The following GAS7 variants were observed in gnomAD, a reference collection of about 807,000 sequenced individuals.
The protein encoded by GAS7 is growth arrest-specific protein 7.
In GAS7, 28 loss-of-function variants were observed where a neutral mutation model predicts 71.1. That is an observed-to-expected ratio of 0.39 (90% CI 0.29 to 0.54). GAS7 has a LOEUF of 0.54. Among genes scored for constraint, GAS7 ranks in the 20% least tolerant of loss-of-function variants. The pLI, the probability that GAS7 is intolerant of heterozygous loss-of-function variation, is 0.62. For missense variants in GAS7, 436 were observed against 627.8 expected (o/e 0.69, Z 3.27); for synonymous variants, 258 against 245.8 (o/e 1.05, Z -0.46).
intron 2 of GAS7, among the ~76,000 whole-genome samples, chr17:10,010,954 A>C (rs763228125): frequency 7.9e-5 from 12 of 152,238 alleles, no homozygotes; most frequent in Non-Finnish European, 1.5e-4. Context: ...TCCAATAAAG[A>C]AAGCTTCATT....
intron 3 of GAS7, among the ~76,000 whole-genome samples, chr17:9,978,441 G>A (rs1430393557): frequency 1.3e-5 from 2 of 150,496 alleles, no homozygotes; most frequent in African/African-American, 4.9e-5. Flanking sequence ...CTTGAGACCA[G>A]GAGTTCAAAA....
At chr17:10,142,729 T>G (rs2074092449) in intron 1 of GAS7, among the ~76,000 whole-genome samples, 2 of 152,188 alleles carry the variant, frequency 1.3e-5, no homozygotes, top group African/African-American at 4.8e-5. Context: ...AGAAAAAGAT[T>G]CTGAGGTATC....
chr17:10,137,139 A>AGG (rs2074045325), intron 1 of GAS7, among the ~76,000 whole-genome samples: 3 of 148,942 alleles, frequency 2.0e-5, no homozygotes, highest in Non-Finnish European at 4.5e-5. Context: ...AGAGAGAGAG[A>AGG]CCGCAAATAC....
Position 10,013,493 on chromosome 17 carries a change from C to A in GAS7, c.304+6284G>T, listed in dbSNP as rs536535994. 2.6e-5 allele frequency among the ~76,000 whole-genome samples: 4 copies of A among 152,308 alleles called. No homozygotes were observed. The East Asian group carries it at 7.7e-4, about 29-fold the overall frequency. On this transcript the variant is annotated intron_variant, in intron 2 of 13. Transcript: ENST00000432992. ...CAAGCAATTTCCTGATACCAAAACC[C>A]TGGGAGTTCCTGGGGCTGAACTGAA...
intron 7 of GAS7, 65 bp from the exon 8 acceptor site, chr17:9,940,265 G>T: frequency 8.5e-7 from 1 of 1,176,328 alleles, no homozygotes; most frequent in Non-Finnish European, 1.3e-6. Flanking sequence ...CTGCCCTGCT[G>T]CCCTGCACAC....
intron 1 of GAS7, among the ~76,000 whole-genome samples, chr17:10,153,519 CAA>C (rs11476862): frequency 0.015 from 1,756 of 117,732 alleles, 17 homozygotes; most frequent in African/African-American, 0.051. Context: ...CTTTGACTCA[CAA>C]AAAAAAAAAA....
intron 2 of GAS7, among the ~76,000 whole-genome samples, chr17:10,011,855 G>A (rs2071785093): frequency 6.6e-6 from 1 of 151,924 alleles, no homozygotes; most frequent in Non-Finnish European, 1.5e-5. Context: ...ACATGCCTGT[G>A]GTCCCAGCTA....
chr17:9,975,984 T>A (rs2070186244), intron 3 of GAS7, among the ~76,000 whole-genome samples: 2 of 152,042 alleles, frequency 1.3e-5, no homozygotes, highest in East Asian at 3.8e-4. Context: ...TCCCACCACA[T>A]CCTGGAAGGC....
chr17:10,073,233 T>G (rs886830573), intron 1 of GAS7, among the ~76,000 whole-genome samples: 1 of 151,994 alleles, frequency 6.6e-6, no homozygotes, highest in Non-Finnish European at 1.5e-5. Flanking sequence ...AACAAGAAAA[T>G]GAGGGCAGAT....
At chr17:9,923,469 TGATA>T (rs2067893032) in intron 11 of GAS7, among the ~76,000 whole-genome samples, 1 of 152,172 alleles carries the variant, frequency 6.6e-6, no homozygotes, top group African/African-American at 2.4e-5. Context: ...TTCATCTCCC[TGATA>T]GATAAAGAAT....
chr17:9,919,548 C>A lies in GAS7; in HGVS notation c.1218+78G>T. ...CAGGGTCACTCCACCCCATCATCCC[C>A]GCGCCCACCAACAACCACCAGGGGC... On this transcript the variant is annotated intron_variant, in intron 12 of 13. Transcript: ENST00000432992. This position sits in a 1 kb window ranked among gnomAD's most constrained non-coding sequence, Gnocchi z 5.0. 9.8e-7 allele frequency: 1 copy of A among 1,022,382 alleles called. No individual in the cohort carries two copies. The highest frequency in any genetic ancestry group is 1.6e-6 in the Non-Finnish European group (1 of 639,946). 63.3% of individuals were successfully genotyped at this position (1,022,382 alleles called of 1,614,324 possible).
intron 1 of GAS7, among the ~76,000 whole-genome samples, chr17:10,155,438 C>T (rs1439764475): frequency 6.6e-6 from 1 of 152,210 alleles, no homozygotes; most frequent in Non-Finnish European, 1.5e-5. Flanking sequence ...CAGCTCTGCC[C>T]TATTCAGAAA....
At chr17:10,126,852 A>T (rs1272347674) in intron 1 of GAS7, among the ~76,000 whole-genome samples, 1 of 152,148 alleles carries the variant, frequency 6.6e-6, no homozygotes, top group Admixed American at 6.5e-5. Flanking sequence ...CTGGCTTCAA[A>T]CCCCAGCTCT....
Position 9,917,123 on chromosome 17 carries a change from C to T in GAS7, c.*105G>A, listed in dbSNP as rs2067606525. ...AATCACCAGCTCTCTCCCCTCTCCT[C>T]AGTGGCCCAGGAGAGAGGGTGGGGG... On this transcript the variant is annotated 3_prime_UTR_variant, in exon 14 of 14. Coordinates refer to ENST00000432992, the MANE Select transcript of GAS7 (RefSeq NM_201433.2). 3.9e-6 allele frequency: 3 copies of T among 770,058 alleles called. No homozygotes were observed. Among genetic ancestry groups the T allele is most frequent in the African/African-American group, 3.4e-5 (2 of 58,702 alleles). 47.7% of individuals were successfully genotyped at this position (770,058 alleles called of 1,614,324 possible). A position where few individuals can be genotyped will look rare whatever the true frequency, so the allele number is the denominator to read the frequency against.
At chr17:9,994,733 T>C (rs1054651990) in intron 2 of GAS7, among the ~76,000 whole-genome samples, 1 of 149,886 alleles carries the variant, frequency 6.7e-6, no homozygotes, top group Non-Finnish European at 1.5e-5. Flanking sequence ...ACCATCAGAG[T>C]GAACAGGCAA....
chr17:10,025,724 C>T (rs2072441290), intron 1 of GAS7, among the ~76,000 whole-genome samples: 1 of 152,136 alleles, frequency 6.6e-6, no homozygotes, highest in South Asian at 2.1e-4. Flanking sequence ...CAAGTGCACA[C>T]TCTGGGGCCT....
intron 5 of GAS7, among the ~76,000 whole-genome samples, chr17:9,957,652 TG>T (rs2069300598): frequency 6.7e-6 from 1 of 150,322 alleles, no homozygotes; most frequent in African/African-American, 2.5e-5. Context: ...CCCAGCATTC[TG>T]GGGCATTTTG....
At chr17:10,186,171 A>G (rs898614546) in intron 1 of GAS7, among the ~76,000 whole-genome samples, 1 of 150,880 alleles carries the variant, frequency 6.6e-6, no homozygotes, top group Non-Finnish European at 1.5e-5. Context: ...GTTAGCCAGG[A>G]TGGTCTCGAT....
intron 1 of GAS7, among the ~76,000 whole-genome samples, chr17:10,179,266 T>C (rs1169187675): frequency 3.9e-5 from 6 of 151,980 alleles, no homozygotes; most frequent in Non-Finnish European, 1.5e-5. Context: ...GAGGCGGATG[T>C]TGCAGTGAGC....
Sources: gnomAD v4.1 joint callset for allele counts (sites outside exome capture counted in the v4.1 genomes callset) on GRCh38, gnomAD v4.1.1 for gene constraint, Gnocchi (gnomAD v3.1) non-coding constraint, MANE v1.5 for transcripts, NCBI Gene and HGNC (gene_info 2026-07-23, HGNC 2026-07-21) for gene names.